The following LRMDA variants were observed in gnomAD, a reference collection of about 807,000 sequenced individuals.
The protein encoded by LRMDA is leucine rich melanocyte differentiation associated.
In LRMDA, 18 loss-of-function variants were observed where a neutral mutation model predicts 29.8. That is an observed-to-expected ratio of 0.60 (90% CI 0.42 to 0.90). The LOEUF (loss-of-function observed/expected upper bound fraction) is 0.90. Ranked by LOEUF, LRMDA falls within the 40% of genes least tolerant of loss-of-function variation. The pLI is 0.00. For missense variants in LRMDA, 273 were observed against 273.9 expected (o/e 1.00, Z 0.02); for synonymous variants, 125 against 109.4 (o/e 1.14, Z -0.89).
chr10:76,477,872 C>G (rs150432000), intron 6 of LRMDA, among the ~76,000 whole-genome samples: 3,418 of 152,216 alleles, frequency 0.022, 68 homozygotes, highest in South Asian at 0.11. Flanking sequence ...AAACTGGATC[C>G]TTTCCTTACA....
At chr10:76,479,373 C>A (rs1443024388) in intron 6 of LRMDA, among the ~76,000 whole-genome samples, 1 of 151,862 alleles carries the variant, frequency 6.6e-6, no homozygotes, top group African/African-American at 2.4e-5. Context: ...TGGTGTGTAA[C>A]CTGTGCAGTC....
intron 5 of LRMDA, among the ~76,000 whole-genome samples, chr10:76,161,832 A>G (rs1349564665): frequency 6.6e-6 from 1 of 152,224 alleles, no homozygotes; most frequent in Non-Finnish European, 1.5e-5. Flanking sequence ...GATTCTACTC[A>G]GTGAATGCAG....
chr10:76,289,466 G>C (rs1356153972), intron 5 of LRMDA, among the ~76,000 whole-genome samples: 1 of 152,034 alleles, frequency 6.6e-6, no homozygotes, highest in Admixed American at 6.6e-5. Flanking sequence ...CACTTAAAGT[G>C]CTCCACAGAC....
At chr10:76,362,709 G>A (rs949324902) in intron 6 of LRMDA, among the ~76,000 whole-genome samples, 2 of 151,926 alleles carry the variant, frequency 1.3e-5, no homozygotes, top group South Asian at 2.1e-4. Context: ...CCACCCTCCC[G>A]CCTTTTAGAG....
chr10:75,520,241 G>A (rs1845340712), intron 2 of LRMDA, among the ~76,000 whole-genome samples: 1 of 152,124 alleles, frequency 6.6e-6, no homozygotes. Context: ...GGTAGGTTGG[G>A]GAAGTTTTCC....
rs546492222 is a variant in LRMDA, at chr10:76,495,857, T to G, written c.602-61352T>G. Among the ~76,000 whole-genome samples the G allele has an allele frequency of 7.6e-5, 6 of 78,604 alleles. 3 individuals are homozygous for G. The highest frequency in any genetic ancestry group is 1.7e-4 in the Non-Finnish European group (4 of 23,284). The allele number at this position is 78,604 out of a possible 152,430, so 51.6% of individuals were successfully genotyped here. On this transcript the variant is annotated intron_variant, in intron 6 of 6. Coordinates refer to ENST00000611255, the MANE Select transcript of LRMDA (RefSeq NM_001305581.2). Reference sequence around the variant, plus strand: ...GCAATTGATTTGTTTGTATTAATCTTGTGTCCTGACACCTTATTGAACTTG... The same window carrying G: ...GCAATTGATTTGTTTGTATTAATCTGGTGTCCTGACACCTTATTGAACTTG...
At chr10:75,905,670 A>C (rs997620543) in intron 2 of LRMDA, among the ~76,000 whole-genome samples, 1 of 152,036 alleles carries the variant, frequency 6.6e-6, no homozygotes, top group Non-Finnish European at 1.5e-5. Flanking sequence ...AATGAAGGGG[A>C]GTAGCATGGT....
chr10:75,892,770 C>G (rs557183132), intron 2 of LRMDA, among the ~76,000 whole-genome samples: 1 of 152,246 alleles, frequency 6.6e-6, no homozygotes, highest in East Asian at 1.9e-4. Context: ...TGGGTTGGTT[C>G]ACTTCTCAGG....
intron 2 of LRMDA, among the ~76,000 whole-genome samples, chr10:75,897,273 A>G (rs144651386): frequency 6.6e-6 from 1 of 152,370 alleles, no homozygotes; most frequent in East Asian, 1.9e-4. Flanking sequence ...ACCAAAGGTT[A>G]AGTTCAAGAG....
intron 2 of LRMDA, among the ~76,000 whole-genome samples, chr10:75,752,034 A>AT (rs1554823936): frequency 4.0e-5 from 6 of 148,662 alleles, no homozygotes; most frequent in African/African-American, 1.5e-4. Context: ...AAAATAAATA[A>AT]ATATATATAT....
intron 2 of LRMDA, among the ~76,000 whole-genome samples, chr10:75,747,985 T>C (rs1842909041): frequency 6.6e-6 from 1 of 152,258 alleles, no homozygotes; most frequent in Non-Finnish European, 1.5e-5. Flanking sequence ...ACCCACCCTC[T>C]GCTAGTCTAA....
At chr10:75,585,583 T>A (rs1205755040) in intron 2 of LRMDA, among the ~76,000 whole-genome samples, 1 of 152,232 alleles carries the variant, frequency 6.6e-6, no homozygotes, top group Non-Finnish European at 1.5e-5. Context: ...AGTAGTTCTG[T>A]CAATTTGTGT....
chr10:76,353,100 T>C (rs1468080639), intron 6 of LRMDA, among the ~76,000 whole-genome samples: 1 of 152,126 alleles, frequency 6.6e-6, no homozygotes, highest in Non-Finnish European at 1.5e-5. Context: ...CCTTTGGTTC[T>C]AGCAGGTCTT....
At chr10:75,505,863 TC>T (rs1845163509) in intron 2 of LRMDA, among the ~76,000 whole-genome samples, 1 of 152,198 alleles carries the variant, frequency 6.6e-6, no homozygotes, top group African/African-American at 2.4e-5. Flanking sequence ...TATTTAACTT[TC>T]CAAGTTACTA....
At chr10:76,462,894 CCTGTGCAAATG>C (rs2132309896) in intron 6 of LRMDA, among the ~76,000 whole-genome samples, 1 of 152,266 alleles carries the variant, frequency 6.6e-6, no homozygotes, top group African/African-American at 2.4e-5. Flanking sequence ...CCGCTGTTCC[CCTGTGCAAATG>C]CTGTGCTCAA....
intron 6 of LRMDA, among the ~76,000 whole-genome samples, chr10:76,408,709 TTTC>T (rs1841927771): frequency 6.6e-6 from 1 of 152,154 alleles, no homozygotes; most frequent in Admixed American, 6.6e-5. Context: ...TTTCTGCTGG[TTTC>T]TTCTTTCTCC....
intron 2 of LRMDA, among the ~76,000 whole-genome samples, chr10:75,558,098 T>C (rs752420805): frequency 3.3e-5 from 5 of 151,940 alleles, no homozygotes; most frequent in African/African-American, 4.8e-5. Flanking sequence ...AGAGAAAGGA[T>C]TGGGAAATGT....
chr10:75,742,750 T>C (rs1842845768), intron 2 of LRMDA: 2 of 152,214 alleles, frequency 1.3e-5, no homozygotes, highest in South Asian at 2.1e-4. Flanking sequence ...TGAGATTATC[T>C]GAGAAACTTG....
intron 2 of LRMDA, among the ~76,000 whole-genome samples, chr10:75,976,984 A>G (rs1382033402): frequency 6.6e-6 from 1 of 152,054 alleles, no homozygotes; most frequent in African/African-American, 2.4e-5. Context: ...AACATTGTCA[A>G]CCTCCAAGAG....
Sources: gnomAD v4.1 joint callset for allele counts (sites outside exome capture counted in the v4.1 genomes callset) on GRCh38, gnomAD v4.1.1 for gene constraint, MANE v1.5 for transcripts, NCBI Gene and HGNC (gene_info 2026-07-23, HGNC 2026-07-21) for gene names.